The following AHRR variants were observed in gnomAD, a reference collection of about 807,000 sequenced individuals.
The protein encoded by AHRR is aryl hydrocarbon receptor repressor, also known as ahR repressor.
In AHRR, 28 loss-of-function variants were observed where a neutral mutation model predicts 44.0. That is an observed-to-expected ratio of 0.64 (90% CI 0.47 to 0.87). The LOEUF is 0.87. Among genes scored for constraint, AHRR ranks in the 40% least tolerant of loss-of-function variants. AHRR has a pLI of 0.00. For missense variants in AHRR, 990 were observed against 953.9 expected (o/e 1.04, Z -0.50); for synonymous variants, 434 against 407.0 (o/e 1.07, Z -0.80).
intron 7 of AHRR, chr5:427,506 G>T: frequency 1.8e-6 from 2 of 1,115,574 alleles, no homozygotes; most frequent in East Asian, 2.4e-5. Flanking sequence ...TGCCACCTGC[G>T]CATGGGGTGG....
intron 1 of AHRR, among the ~76,000 whole-genome samples, chr5:333,326 T>G (rs1287529764): frequency 1.3e-5 from 2 of 152,244 alleles, no homozygotes; most frequent in Admixed American, 6.5e-5. Context: ...CTGGGCATGG[T>G]AGCTTACGCC....
chr5:428,252 A>C (rs1273148475), intron 8 of AHRR, among the ~76,000 whole-genome samples: 1 of 152,244 alleles, frequency 6.6e-6, no homozygotes, highest in Non-Finnish European at 1.5e-5. Context: ...TCATCCTGTT[A>C]CAGAACCAGT....
intron 4 of AHRR, among the ~76,000 whole-genome samples, chr5:392,439 A>C (rs1173869168): frequency 6.8e-6 from 1 of 147,534 alleles, no homozygotes; most frequent in Non-Finnish European, 1.5e-5. Context: ...GTGCAGGGCG[A>C]GGCAGGCGCA....
intron 3 of AHRR, 51 bp from the exon 4 acceptor site, chr5:376,559 T>TGAATGAAGGAGAACCATGG: frequency 4.1e-6 from 1 of 241,106 alleles, no homozygotes. Context: ...TGAAGAAGAG[T>TGAATGAAGGAGAACCATGG]GGCCAGGCCA....
Position 435,577 on chromosome 5 carries a change from T to G in AHRR, c.*743T>G, listed in dbSNP as rs1166153351. On this transcript the variant is annotated 3_prime_UTR_variant, in exon 11 of 11. Transcript: ENST00000684583. ...TTGACAGCATAACCCCTGTTCCTTC[T>G]GGACATCTCCCGAGTTCTCAGTGGG... The G allele has an allele frequency of 6.6e-6, 1 of 152,384 alleles. No homozygotes were observed. The highest frequency in any genetic ancestry group is 1.9e-4 in the East Asian group (1 of 5,334). The allele number at this position is 152,384 out of a possible 1,614,324, so 9.4% of individuals were successfully genotyped here. A position where few individuals can be genotyped will look rare whatever the true frequency, so the allele number is the denominator to read the frequency against.
intron 3 of AHRR, 109 bp from the exon 4 acceptor site, chr5:376,501 A>ATGTGAGAACCGT: frequency 7.2e-5 from 4 of 55,734 alleles, no homozygotes; most frequent in Admixed American, 4.4e-4. Flanking sequence ...GCCAGATGTC[A>ATGTGAGAACCGT]GGTGAGAACC....
chr5:422,134 A>C (rs149170411), intron 5 of AHRR, among the ~76,000 whole-genome samples: 197 of 152,160 alleles, frequency 1.3e-3, no homozygotes, highest in African/African-American at 4.6e-3. Flanking sequence ...ACAGCTGAGT[A>C]CCCCTTGAAG....
chr5:343,796 G>C (rs962021638), intron 1 of AHRR, 97 bp from the exon 2 acceptor site: 3 of 1,291,770 alleles, frequency 2.3e-6, no homozygotes, highest in Non-Finnish European at 3.2e-6. Flanking sequence ...TCGCGGGTGT[G>C]GGGGCGCCAG....
intron 3 of AHRR, 57 bp from the exon 4 acceptor site, chr5:376,553 G>GTGGGGTGAACGCGGGGAAACACAGGA: frequency 3.4e-6 from 1 of 298,210 alleles, no homozygotes; most frequent in African/African-American, 5.2e-5. Flanking sequence ...TGTGAATGAA[G>GTGGGGTGAACGCGGGGAAACACAGGA]AAGAGTGGCC....
chr5:432,772 C>A, intron 9 of AHRR, 34 bp from the exon 10 acceptor site: 1 of 1,612,668 alleles, frequency 6.2e-7, no homozygotes. Flanking sequence ...CAGCTCGCAC[C>A]GTGACGGCTT....
chr5:384,477 G>A (rs1163958448), intron 4 of AHRR, among the ~76,000 whole-genome samples: 2 of 152,132 alleles, frequency 1.3e-5, no homozygotes, highest in Admixed American at 6.5e-5. Context: ...AGACTGGAGT[G>A]CAATGGCATG....
intron 8 of AHRR, chr5:432,210 T>G: frequency 2.2e-6 from 1 of 463,896 alleles, no homozygotes; most frequent in Admixed American, 3.8e-5. Flanking sequence ...TCCTTCTACT[T>G]TCTGAAGCAA....
intron 3 of AHRR, among the ~76,000 whole-genome samples, chr5:367,232 T>C (rs1173439428): frequency 6.6e-6 from 1 of 152,118 alleles, no homozygotes; most frequent in Non-Finnish European, 1.5e-5. Flanking sequence ...GAAGAGCAAG[T>C]GCCCAGGGAG....
At chr5:346,584 G>A (rs1742686083) in intron 2 of AHRR, among the ~76,000 whole-genome samples, 1 of 152,058 alleles carries the variant, frequency 6.6e-6, no homozygotes, top group Non-Finnish European at 1.5e-5. Context: ...ACATTCCGTC[G>A]CCCACCCCCG....
At position 429,455 on chromosome 5, in the gene AHRR, G is replaced by T. The variant is rs186300118; in HGVS notation, c.908+1449G>T. On this transcript the variant is annotated intron_variant, in intron 8 of 10. Coordinates refer to ENST00000684583, the MANE Select transcript of AHRR (RefSeq NM_001377236.1). ...ACAGCCTGATGGGGCGGGGCTGAGC[G>T]CAGGGCAGAGGGGTGGTCTGGGCCG... is the stretch of plus-strand genomic sequence containing the variant. Among the ~76,000 whole-genome samples, 330 of 152,316 alleles carry T rather than the reference G, an allele frequency of 2.2e-3. 1 individual carries two copies. Among genetic ancestry groups the T allele is most frequent in the Non-Finnish European group, 3.8e-3 (257 of 68,024 alleles).
chr5:343,353 T>C (rs1269943536), intron 1 of AHRR, among the ~76,000 whole-genome samples: 4 of 132,468 alleles, frequency 3.0e-5, no homozygotes, highest in Non-Finnish European at 3.2e-5. Context: ...CCCACGTACC[T>C]TCTCGGGGTG....
At position 437,298 on chromosome 5, in the gene AHRR, A is replaced by T. The variant is rs566941519; in HGVS notation, c.*2464A>T. The T allele has an allele frequency of 6.6e-6, 1 of 152,382 alleles. No individual in the cohort carries two copies. The highest frequency in any genetic ancestry group is 2.1e-4 in the South Asian group (1 of 4,822). 9.4% of individuals were successfully genotyped at this position (152,382 alleles called of 1,614,324 possible). A position where few individuals can be genotyped will look rare whatever the true frequency, so the allele number is the denominator to read the frequency against. Reference sequence around the variant, plus strand: ...GGGCCAGCCACGTCCTGTGTCCTGGAGCTTAGCCCTCAGCAGCTCCCTTCA... The same window carrying T: ...GGGCCAGCCACGTCCTGTGTCCTGGTGCTTAGCCCTCAGCAGCTCCCTTCA... On this transcript the variant is annotated 3_prime_UTR_variant, in exon 11 of 11. Transcript: ENST00000684583.
chr5:367,518 G>A (rs560494457), intron 3 of AHRR, among the ~76,000 whole-genome samples: 25 of 152,332 alleles, frequency 1.6e-4, no homozygotes, highest in East Asian at 1.5e-3. Context: ...CGTGGGGACC[G>A]GATGAGCCAG....
chr5:347,769 C>G (rs915184296), intron 2 of AHRR, among the ~76,000 whole-genome samples: 2 of 152,188 alleles, frequency 1.3e-5, no homozygotes, highest in Admixed American at 6.5e-5. Flanking sequence ...CCTCTAGGGA[C>G]CCACTCTGGG....
Sources: allele counts gnomAD v4.1 joint callset (sites outside exome capture counted in the v4.1 genomes callset), GRCh38; gene constraint gnomAD v4.1.1; transcripts MANE v1.5; gene names NCBI Gene and HGNC (gene_info 2026-07-23, HGNC 2026-07-21).